Variants in MYOCD observed in about 807,000 individuals in gnomAD.
MYOCD encodes myocardin.
A neutral mutation model predicts 96.1 loss-of-function variants in MYOCD; 32 were observed. The ratio of observed to expected loss-of-function variants is 0.33; its 90% CI spans 0.25 to 0.45. The LOEUF (loss-of-function observed/expected upper bound fraction) is 0.45, where lower values mean the gene tolerates loss of function less well. MYOCD is among the 20% of genes least tolerant of loss of function. The pLI, the probability that MYOCD is intolerant of heterozygous loss-of-function variation, is 1.00. For missense variants in MYOCD, 1,133 were observed against 1,200.6 expected, an observed-to-expected ratio of 0.94 and a Z score of 0.83; for synonymous variants, 469 against 469.0, an observed-to-expected ratio of 1.00 and a Z score of 0.00.
intron 1 of MYOCD, among the ~76,000 whole-genome samples, chr17:12,679,365 C>G (rs895838403): frequency 1.3e-5 from 2 of 152,104 alleles, no homozygotes; most frequent in Non-Finnish European, 2.9e-5. Flanking sequence ...GAATCCCTGG[C>G]TTAGTAGAAA....
In MYOCD at chr17:12,725,590, A is replaced by G. The variant is rs138480972; in HGVS notation, c.415+2582A>G. Among the ~76,000 whole-genome samples, 197 of 149,102 alleles carry G rather than the reference A, an allele frequency of 1.3e-3. 2 individuals carry two copies. The highest frequency in any genetic ancestry group is 4.7e-3 in the African/African-American group (193 of 41,002). On this transcript the variant is annotated intron_variant, in intron 5 of 13. Coordinates refer to ENST00000425538, the MANE Select transcript of MYOCD (RefSeq NM_001146312.3). Reference sequence around the variant, plus strand: ...TAATATGTTAATATATAATTTAATAATTATTGATATATTACATAGTGGAAT... The same window carrying G: ...TAATATGTTAATATATAATTTAATAGTTATTGATATATTACATAGTGGAAT...
At chr17:12,690,004 T>C (rs1465634268) in intron 1 of MYOCD, among the ~76,000 whole-genome samples, 1 of 152,254 alleles carries the variant, frequency 6.6e-6, no homozygotes, top group Middle Eastern at 3.4e-3. Flanking sequence ...ACATCAAAGA[T>C]AGAAATCATA....
In MYOCD at chr17:12,763,659, C is replaced by T; in HGVS notation, c.*15C>T. 6.3e-7 allele frequency: 1 copy of T among 1,594,338 alleles called. No individual in the cohort carries two copies. Among genetic ancestry groups the T allele is most frequent in the Non-Finnish European group, 8.6e-7 (1 of 1,168,880 alleles). On this transcript the variant is annotated 3_prime_UTR_variant, in exon 14 of 14. Coordinates refer to ENST00000425538, the MANE Select transcript of MYOCD (RefSeq NM_001146312.3). ...AGCAGTGGTAGAATGCCCAATGCAC[C>T]AGTGCTATGGAAGACCAATGGAGTT...
At chr17:12,755,299 A>T (rs1166691253) in intron 10 of MYOCD, among the ~76,000 whole-genome samples, 2 of 152,204 alleles carry the variant, frequency 1.3e-5, no homozygotes, top group African/African-American at 4.8e-5. Context: ...TGAAGACATT[A>T]AAAATTTCAT....
chr17:12,686,063 A>G (rs1195433387), intron 1 of MYOCD, among the ~76,000 whole-genome samples: 2 of 152,224 alleles, frequency 1.3e-5, no homozygotes, highest in Non-Finnish European at 2.9e-5. Context: ...GATATGCTTT[A>G]CAATCTTGCA....
At chr17:12,745,083 CCTT>C (rs1194014351) in intron 8 of MYOCD, among the ~76,000 whole-genome samples, 6 of 152,200 alleles carry the variant, frequency 3.9e-5, no homozygotes, top group Non-Finnish European at 7.3e-5. Flanking sequence ...ATTCCGATGC[CCTT>C]CTGCTTTTAG....
intron 1 of MYOCD, among the ~76,000 whole-genome samples, chr17:12,695,736 C>A (rs1246781140): frequency 1.3e-5 from 2 of 152,090 alleles, no homozygotes; most frequent in Non-Finnish European, 2.9e-5. Context: ...ACCCTATTAA[C>A]CATTTTAACT....
chr17:12,741,220 G>C (rs920740448), intron 7 of MYOCD, among the ~76,000 whole-genome samples: 2 of 152,100 alleles, frequency 1.3e-5, no homozygotes, highest in African/African-American at 2.4e-5. Context: ...TGCCAATAAG[G>C]CTCCCCCACC....
chr17:12,671,345 T>C (rs1202810226), intron 1 of MYOCD, among the ~76,000 whole-genome samples: 1 of 152,198 alleles, frequency 6.6e-6, no homozygotes, highest in East Asian at 1.9e-4. Context: ...TTGTGTGTAC[T>C]AAAACTAGAA....
At chr17:12,758,434 T>A in intron 12 of MYOCD, 1 of 670,970 alleles carries the variant, frequency 1.5e-6, no homozygotes, top group Non-Finnish European at 2.5e-6. Flanking sequence ...CTGGCTTTGG[T>A]ACCAGTTCTG....
chr17:12,704,884 C>T, intron 1 of MYOCD: 1 of 439,392 alleles, frequency 2.3e-6, no homozygotes, highest in Middle Eastern at 6.3e-4. Flanking sequence ...AAATAACAAT[C>T]ACTTCAAAGA....
At chr17:12,668,299 C>T (rs1909486339) in intron 1 of MYOCD, among the ~76,000 whole-genome samples, 2 of 152,312 alleles carry the variant, frequency 1.3e-5, no homozygotes, top group Admixed American at 1.3e-4. Context: ...ACAGTAAACT[C>T]ATAAAACTGT....
At position 12,752,732 on chromosome 17, in the gene MYOCD, T is replaced by G; in HGVS notation, c.1444T>G (p.Phe482Val). 1 of 1,614,120 alleles carries G rather than the reference T, an allele frequency of 6.2e-7. No individual in the cohort carries two copies. Among genetic ancestry groups the G allele is most frequent in the Admixed American group, 1.7e-5 (1 of 60,008 alleles). The change falls in exon 10 of 14, where the codon TTC (phenylalanine) becomes GTC (valine). Residue 482 changes from phenylalanine (F) to valine (V), a missense_variant. Phe to Val is a conservative substitution (Grantham distance 50). Coordinates refer to ENST00000425538, the MANE Select transcript of MYOCD (RefSeq NM_001146312.3). ...PDTFNDASPS[F>V]GLHPSPVHVC... ...CACCTTCAATGATGCCTCCCCCTCCTTCGGCCTGCACCCGTCCCCAGTCCA... is the reference window on the plus strand; with the variant it reads ...CACCTTCAATGATGCCTCCCCCTCCGTCGGCCTGCACCCGTCCCCAGTCCA...
intron 1 of MYOCD, among the ~76,000 whole-genome samples, chr17:12,669,424 C>G (rs991423414): frequency 5.3e-5 from 8 of 152,154 alleles, no homozygotes; most frequent in Admixed American, 2.6e-4. Context: ...TGAACTTGAC[C>G]CCACCCCCAC....
intron 1 of MYOCD, among the ~76,000 whole-genome samples, chr17:12,698,888 G>A (rs538068158): frequency 3.3e-5 from 5 of 149,768 alleles, no homozygotes; most frequent in South Asian, 2.1e-4. Flanking sequence ...GACTACAGAC[G>A]CCCGCCACCA....
At chr17:12,730,498 G>C (rs2032139355) in intron 5 of MYOCD, among the ~76,000 whole-genome samples, 1 of 150,854 alleles carries the variant, frequency 6.6e-6, no homozygotes, top group South Asian at 2.1e-4. Context: ...CCAGGGATCT[G>C]AGTAAAAAAA....
Position 12,767,665 on chromosome 17 carries a change from TTTAGCTAAAAG to T in MYOCD, c.*4022_*4032del, listed in dbSNP as rs2033377361. ...GAGGGGGTGGAGGTGGGGATCACTT[TTTAGCTAAAAG>T]CTATCTCTCACTTCAAAATTCTTGT... On this transcript the variant is annotated 3_prime_UTR_variant, in exon 14 of 14. Transcript: ENST00000425538. 1 of 152,232 alleles carries T rather than the reference TTTAGCTAAAAG, an allele frequency of 6.6e-6. No individual in the cohort carries two copies. The highest frequency in any genetic ancestry group is 3.2e-3 in the Middle Eastern group (1 of 316). 9.4% of individuals were successfully genotyped at this position (152,232 alleles called of 1,614,324 possible). A position where few individuals can be genotyped will look rare whatever the true frequency, so the allele number is the denominator to read the frequency against.
chr17:12,693,507 G>T (rs1257148013), intron 1 of MYOCD, among the ~76,000 whole-genome samples: 2 of 151,954 alleles, frequency 1.3e-5, no homozygotes, highest in Non-Finnish European at 2.9e-5. Context: ...CTACTCAGGA[G>T]GCTGAGGCAG....
chr17:12,763,750 T>A lies in MYOCD; in HGVS notation c.*106T>A. The A allele has an allele frequency of 9.8e-7, 1 of 1,017,840 alleles. No individual in the cohort carries two copies. Among genetic ancestry groups the A allele is most frequent in the Non-Finnish European group, 1.4e-6 (1 of 714,936 alleles). The allele number at this position is 1,017,840 out of a possible 1,614,324, so 63.1% of individuals were successfully genotyped here. On this transcript the variant is annotated 3_prime_UTR_variant, in exon 14 of 14. Coordinates refer to ENST00000425538, the MANE Select transcript of MYOCD (RefSeq NM_001146312.3). ...AAAAACAGAAGAAGAAGAAGAGAATTAAAAAGAAGCAATGATTTCTGTGCC... is the reference window on the plus strand; with the variant it reads ...AAAAACAGAAGAAGAAGAAGAGAATAAAAAAGAAGCAATGATTTCTGTGCC...
Sources: gnomAD v4.1 joint callset for allele counts (sites outside exome capture counted in the v4.1 genomes callset) on GRCh38, gnomAD v4.1.1 for gene constraint, MANE v1.5 for transcripts, NCBI Gene and HGNC (gene_info 2026-07-23, HGNC 2026-07-21) for gene names.